The following NAALADL2 variants were observed in gnomAD, a reference collection of about 807,000 sequenced individuals.
NAALADL2 encodes the protein N-acetylated alpha-linked acidic dipeptidase like 2, also known as inactive N-acetylated-alpha-linked acidic dipeptidase-like protein 2.
NAALADL2 carries 76 observed loss-of-function variants against 87.2 expected under a neutral mutation model. The ratio of observed to expected loss-of-function variants is 0.87; its 90% CI spans 0.72 to 1.05. The LOEUF (loss-of-function observed/expected upper bound fraction) is 1.05, where lower values mean the gene tolerates loss of function less well. NAALADL2 is among the 50% of genes least tolerant of loss of function. The pLI is 0.00. For missense variants in NAALADL2, 1,089 were observed against 945.8 expected (o/e 1.15, Z -1.99); for synonymous variants, 354 against 331.0 (o/e 1.07, Z -0.75).
At chr3:175,157,110 T>TA (rs142110372) in intron 2 of NAALADL2, among the ~76,000 whole-genome samples, 26,710 of 151,748 alleles carry the variant, frequency 0.18, 2,962 homozygotes, top group African/African-American at 0.31. Flanking sequence ...TGTACTTAGT[T>TA]AAAAAAAAGT....
At chr3:175,593,201 C>T (rs1048477742) in intron 10 of NAALADL2, among the ~76,000 whole-genome samples, 6 of 152,088 alleles carry the variant, frequency 3.9e-5, no homozygotes, top group African/African-American at 1.2e-4. Context: ...TGTTGCTCCC[C>T]TCCCTGTGCC....
chr3:175,527,287 C>G (rs2149435559), intron 9 of NAALADL2, among the ~76,000 whole-genome samples: 1 of 152,216 alleles, frequency 6.6e-6, no homozygotes, highest in Middle Eastern at 3.4e-3. Flanking sequence ...TGATGAGGCC[C>G]TTCAACACAA....
chr3:175,155,909 T>C (rs16824309), intron 2 of NAALADL2, among the ~76,000 whole-genome samples: 17,254 of 152,026 alleles, frequency 0.11, 1,113 homozygotes, highest in African/African-American at 0.16. Flanking sequence ...GTACAAGAGA[T>C]GCAGATAAAG....
intron 3 of NAALADL2, among the ~76,000 whole-genome samples, chr3:174,826,345 T>A (rs2109350222): frequency 6.6e-6 from 1 of 152,362 alleles, no homozygotes; most frequent in African/African-American, 2.4e-5. Context: ...TTGGCTCTGT[T>A]ATTTGCAAGA....
intron 4 of NAALADL2, among the ~76,000 whole-genome samples, chr3:175,298,195 C>A (rs1247527052): frequency 6.6e-6 from 1 of 152,118 alleles, no homozygotes; most frequent in African/African-American, 2.4e-5. Flanking sequence ...TTTAGTGAAA[C>A]TGTTGCCCAT....
intron 2 of NAALADL2, among the ~76,000 whole-genome samples, chr3:175,118,400 TA>T (rs1217883866): frequency 1.3e-5 from 2 of 151,532 alleles, no homozygotes; most frequent in Admixed American, 6.6e-5. Flanking sequence ...TTTGGATCAT[TA>T]AAAAAATAAT....
chr3:175,791,319 G>A lies in NAALADL2; in HGVS notation c.2190-11686G>A, dbSNP rs141619782. On this transcript the variant is annotated intron_variant, in intron 13 of 13. Coordinates refer to ENST00000454872, the MANE Select transcript of NAALADL2 (RefSeq NM_207015.3). Reference sequence around the variant, plus strand: ...GATATCAAACCCTGTTTTCTATATGGGGTGAGTCCCCTGTGAGCTTAGCTG... The same window carrying A: ...GATATCAAACCCTGTTTTCTATATGAGGTGAGTCCCCTGTGAGCTTAGCTG... Among the ~76,000 whole-genome samples, 693 of 152,018 alleles carry A rather than the reference G, an allele frequency of 4.6e-3. 5 individuals carry two copies. Among genetic ancestry groups the A allele is most frequent in the African/African-American group, 0.016 (669 of 41,458 alleles).
intron 10 of NAALADL2, among the ~76,000 whole-genome samples, chr3:175,623,357 G>A (rs1176960385): frequency 6.1e-5 from 9 of 148,558 alleles, no homozygotes; most frequent in Admixed American, 1.4e-4. Context: ...GAACAGAGGA[G>A]AAGGAAGACA....
chr3:174,840,267 G>T (rs550973937), intron 3 of NAALADL2, among the ~76,000 whole-genome samples: 1 of 151,884 alleles, frequency 6.6e-6, no homozygotes, highest in Non-Finnish European at 1.5e-5. Context: ...TTAGGAGAAA[G>T]AGGAAATATA....
At chr3:175,284,202 G>C (rs906022732) in intron 4 of NAALADL2, among the ~76,000 whole-genome samples, 1 of 76,926 alleles carries the variant, frequency 1.3e-5, no homozygotes, top group African/African-American at 4.6e-5. Flanking sequence ...TTTTTTTTCT[G>C]TCTTGCTTTA....
At chr3:175,018,323 C>T (rs1168129775) in intron 1 of NAALADL2, among the ~76,000 whole-genome samples, 1 of 151,874 alleles carries the variant, frequency 6.6e-6, no homozygotes, top group African/African-American at 2.4e-5. Context: ...TGAAAGCAGG[C>T]AAATTAACAG....
intron 1 of NAALADL2, among the ~76,000 whole-genome samples, chr3:175,003,250 G>A (rs1023275056): frequency 5.3e-5 from 8 of 152,042 alleles, no homozygotes; most frequent in African/African-American, 1.7e-4. Flanking sequence ...GGGCACTGTG[G>A]TTCACACATG....
chr3:175,527,949 A>AAGGTCC (rs1733632185), intron 9 of NAALADL2, among the ~76,000 whole-genome samples: 2 of 152,100 alleles, frequency 1.3e-5, no homozygotes, highest in Non-Finnish European at 2.9e-5. Flanking sequence ...CTAGGGGTTG[A>AAGGTCC]AGGTCCACAG....
chr3:174,716,304 C>T (rs543245759), intron 2 of NAALADL2, among the ~76,000 whole-genome samples: 2 of 151,928 alleles, frequency 1.3e-5, no homozygotes, highest in East Asian at 3.9e-4. Flanking sequence ...CTAAGGAAGA[C>T]TACTGTCACA....
At chr3:174,546,816 C>T (rs1444246180) in intron 1 of NAALADL2, among the ~76,000 whole-genome samples, 1 of 152,034 alleles carries the variant, frequency 6.6e-6, no homozygotes, top group African/African-American at 2.4e-5. Context: ...TGCCAACACA[C>T]CTGGCAAATT....
At chr3:175,493,526 T>A (rs549134342) in intron 9 of NAALADL2, among the ~76,000 whole-genome samples, 21 of 152,282 alleles carry the variant, frequency 1.4e-4, no homozygotes, top group African/African-American at 4.8e-4. Flanking sequence ...GAAAGCAACA[T>A]AAGTTAATCA....
chr3:174,555,119 G>T (rs559797051), intron 2 of NAALADL2, among the ~76,000 whole-genome samples: 59 of 152,224 alleles, frequency 3.9e-4, no homozygotes, highest in African/African-American at 1.4e-3. Flanking sequence ...AATTTTGGGA[G>T]GACGCAAATA....
At chr3:175,569,235 A>G (rs966028588) in intron 9 of NAALADL2, among the ~76,000 whole-genome samples, 10 of 152,192 alleles carry the variant, frequency 6.6e-5, no homozygotes, top group African/African-American at 2.4e-4. Flanking sequence ...ACATCTATAA[A>G]GTTCTAAACT....
At chr3:174,839,889 C>G (rs929288724) in intron 3 of NAALADL2, among the ~76,000 whole-genome samples, 11 of 151,874 alleles carry the variant, frequency 7.2e-5, no homozygotes, top group African/African-American at 2.2e-4. Flanking sequence ...GGGAACACTT[C>G]TACAGTGATG....
Sources: gnomAD v4.1 joint callset for allele counts (sites outside exome capture counted in the v4.1 genomes callset) on GRCh38, gnomAD v4.1.1 for gene constraint, MANE v1.5 for transcripts, NCBI Gene and HGNC (gene_info 2026-07-23, HGNC 2026-07-21) for gene names.